The following SPIDR variants were observed in gnomAD, a reference collection of about 807,000 sequenced individuals.
SPIDR encodes the protein scaffold protein involved in DNA repair.
A neutral mutation model predicts 104.6 loss-of-function variants in SPIDR; 93 were observed. The observed-to-expected ratio is 0.89, with a 90% confidence interval of 0.75 to 1.06. SPIDR has a LOEUF of 1.06. SPIDR is among the 50% of genes least tolerant of loss of function. The pLI, the probability that SPIDR is intolerant of heterozygous loss-of-function variation, is 0.00. For missense variants in SPIDR, 1,154 were observed against 1,111.2 expected, an observed-to-expected ratio of 1.04 and a Z score of -0.55; for synonymous variants, 431 against 416.9, an observed-to-expected ratio of 1.03 and a Z score of -0.41.
At chr8:47,386,661 T>C (rs1554648386) in intron 5 of SPIDR, among the ~76,000 whole-genome samples, 3 of 152,144 alleles carry the variant, frequency 2.0e-5, no homozygotes, top group Admixed American at 2.0e-4. Flanking sequence ...GTTACTGATA[T>C]TTAGATATAA....
chr8:47,399,840 G>C (rs2061651639), intron 6 of SPIDR, among the ~76,000 whole-genome samples: 1 of 152,190 alleles, frequency 6.6e-6, no homozygotes, highest in South Asian at 2.1e-4. Context: ...TTGAGGACTG[G>C]GGAAAAGGTT....
At chr8:47,583,978 G>A (rs1319512370) in intron 8 of SPIDR, among the ~76,000 whole-genome samples, 1 of 152,192 alleles carries the variant, frequency 6.6e-6, no homozygotes, top group African/African-American at 2.4e-5. Context: ...CCCTGTCACC[G>A]TGTCCGCTGT....
intron 8 of SPIDR, among the ~76,000 whole-genome samples, chr8:47,485,536 G>C (rs1216906108): frequency 1.3e-5 from 2 of 152,220 alleles, no homozygotes; most frequent in African/African-American, 4.8e-5. Flanking sequence ...TGAGATCTGA[G>C]AACGGACAGA....
At chr8:47,360,392 TC>T (rs2055612546) in intron 5 of SPIDR, among the ~76,000 whole-genome samples, 2 of 152,046 alleles carry the variant, frequency 1.3e-5, no homozygotes, top group African/African-American at 4.8e-5. Flanking sequence ...CCAAACTGTA[TC>T]ATTCTTCTGT....
At chr8:47,333,029 C>T (rs1382396065) in intron 5 of SPIDR, among the ~76,000 whole-genome samples, 1 of 150,984 alleles carries the variant, frequency 6.6e-6, no homozygotes, top group African/African-American at 2.5e-5. Context: ...TCAATTTTGT[C>T]TTTTGTTGCC....
At chr8:47,685,501 A>ATTTTTTTTTTTTTT (rs1326028640) in intron 11 of SPIDR, among the ~76,000 whole-genome samples, 4 of 110,226 alleles carry the variant, frequency 3.6e-5, no homozygotes, top group Non-Finnish European at 6.7e-5. Context: ...TTATTTATTT[A>ATTTTTTTTTTTTTT]TTTATTTATT....
At chr8:47,293,164 T>C (rs1586462157) in intron 4 of SPIDR, among the ~76,000 whole-genome samples, 1 of 152,106 alleles carries the variant, frequency 6.6e-6, no homozygotes, top group Non-Finnish European at 1.5e-5. Flanking sequence ...GAGGTCATGC[T>C]CTGTCACCCA....
intron 11 of SPIDR, among the ~76,000 whole-genome samples, chr8:47,698,914 G>T (rs1397335005): frequency 1.3e-5 from 2 of 152,168 alleles, no homozygotes; most frequent in Non-Finnish European, 2.9e-5. Flanking sequence ...AGGGAGTTCT[G>T]TTCTCATGGG....
At position 47,423,330 on chromosome 8, in the gene SPIDR, G is replaced by C. The variant is rs556705459; in HGVS notation, c.877+15369G>C. Among the ~76,000 whole-genome samples, 12 of 151,814 alleles carry C rather than the reference G, an allele frequency of 7.9e-5. 1 individual carries two copies. In the South Asian group the frequency reaches 2.5e-3, roughly 32 times the overall value. Reference sequence around the variant, plus strand: ...AAAAAAAATAGAGCAGCAAGAGCCAGGCACAGTGGCTCATGTCTGTAATCC... The same window carrying C: ...AAAAAAAATAGAGCAGCAAGAGCCACGCACAGTGGCTCATGTCTGTAATCC... On this transcript the variant is annotated intron_variant, in intron 7 of 19. Coordinates refer to ENST00000297423, the MANE Select transcript of SPIDR (RefSeq NM_001080394.4).
intron 5 of SPIDR, among the ~76,000 whole-genome samples, chr8:47,375,004 G>A (rs1362708577): frequency 1.3e-5 from 2 of 151,852 alleles, no homozygotes; most frequent in African/African-American, 4.8e-5. Flanking sequence ...GCAGTGAGCC[G>A]AGATCGCACC....
intron 8 of SPIDR, among the ~76,000 whole-genome samples, chr8:47,539,247 C>G (rs550265604): frequency 2.0e-5 from 3 of 152,118 alleles, no homozygotes; most frequent in African/African-American, 7.2e-5. Context: ...CGGAGATTAA[C>G]CTTTTTAAAA....
intron 8 of SPIDR, 91 bp from the exon 9 acceptor site, chr8:47,595,720 G>A (rs765666686): frequency 2.9e-5 from 36 of 1,237,794 alleles, no homozygotes; most frequent in Non-Finnish European, 3.8e-5. Context: ...CATAGCAGGC[G>A]AGTCATTGCT....
intron 5 of SPIDR, among the ~76,000 whole-genome samples, chr8:47,368,366 A>G (rs1421774703): frequency 1.6e-5 from 2 of 123,120 alleles, no homozygotes; most frequent in African/African-American, 5.6e-5. Flanking sequence ...AAAAAAAAAA[A>G]AAAAAAAAAA....
intron 5 of SPIDR, among the ~76,000 whole-genome samples, chr8:47,391,765 G>T (rs1177817851): frequency 6.6e-6 from 1 of 152,032 alleles, no homozygotes; most frequent in African/African-American, 2.4e-5. Flanking sequence ...GGGAGGCCAA[G>T]GCGGGCGGAT....
intron 5 of SPIDR, among the ~76,000 whole-genome samples, chr8:47,359,553 G>C (rs1369114118): frequency 2.0e-5 from 3 of 152,172 alleles, no homozygotes; most frequent in African/African-American, 7.2e-5. Flanking sequence ...TGCATGGGTA[G>C]AGGATGAATT....
At chr8:47,592,136 G>T in intron 8 of SPIDR, 1 of 1,403,186 alleles carries the variant, frequency 7.1e-7, no homozygotes, top group Non-Finnish European at 1.0e-6. Flanking sequence ...CTTGATGATC[G>T]GATCAATTTA....
At chr8:47,649,809 A>G (rs961125254) in intron 10 of SPIDR, among the ~76,000 whole-genome samples, 1 of 152,236 alleles carries the variant, frequency 6.6e-6, no homozygotes, top group African/African-American at 2.4e-5. Flanking sequence ...TAACATATAC[A>G]GGTCAATAAA....
At chr8:47,610,501 C>G (rs551633816) in intron 10 of SPIDR, among the ~76,000 whole-genome samples, 2 of 152,328 alleles carry the variant, frequency 1.3e-5, no homozygotes, top group Non-Finnish European at 1.5e-5. Context: ...CCTTGCTGCC[C>G]CTCTCCTCCC....
intron 6 of SPIDR, among the ~76,000 whole-genome samples, chr8:47,407,571 T>C (rs2062930846): frequency 6.6e-6 from 1 of 152,144 alleles, no homozygotes; most frequent in Non-Finnish European, 1.5e-5. Context: ...TAAGAAAGAA[T>C]AGAAAAATAG....
Sources: gnomAD v4.1 joint callset for allele counts (sites outside exome capture counted in the v4.1 genomes callset) on GRCh38, gnomAD v4.1.1 for gene constraint, MANE v1.5 for transcripts, NCBI Gene and HGNC (gene_info 2026-07-23, HGNC 2026-07-21) for gene names.